The following SH3PXD2A variants were observed in gnomAD, a reference collection of about 807,000 sequenced individuals.
SH3PXD2A encodes the protein SH3 and PX domain-containing protein 2A.
SH3PXD2A carries 32 observed loss-of-function variants against 115.2 expected under a neutral mutation model. That is an observed-to-expected ratio of 0.28 (90% CI 0.21 to 0.37). The LOEUF (loss-of-function observed/expected upper bound fraction) is 0.37. Ranked by LOEUF, SH3PXD2A falls within the 10% of genes least tolerant of loss-of-function variation. The pLI, the probability that SH3PXD2A is intolerant of heterozygous loss-of-function variation, is 1.00. For missense variants in SH3PXD2A, 1,328 were observed against 1,498.7 expected, an observed-to-expected ratio of 0.89 and a Z score of 1.88; for synonymous variants, 610 against 629.1, an observed-to-expected ratio of 0.97 and a Z score of 0.45.
intron 1 of SH3PXD2A, among the ~76,000 whole-genome samples, chr10:103,822,549 G>T (rs763743223): frequency 1.4e-5 from 2 of 145,808 alleles, no homozygotes; most frequent in Non-Finnish European, 2.9e-5. Flanking sequence ...GGGCATGGTG[G>T]GGGGGGAGCA....
At chr10:103,607,710 G>A (rs1372774290) in intron 13 of SH3PXD2A, among the ~76,000 whole-genome samples, 2 of 152,192 alleles carry the variant, frequency 1.3e-5, no homozygotes, top group African/African-American at 4.8e-5. Context: ...GGAATAGAAA[G>A]GGGGGAAAGG....
At chr10:103,639,164 T>C (rs1305077685) in intron 8 of SH3PXD2A, among the ~76,000 whole-genome samples, 2 of 152,032 alleles carry the variant, frequency 1.3e-5, no homozygotes, top group African/African-American at 4.8e-5. Flanking sequence ...CGGTGGGTGA[T>C]ACAATGCTTG....
At chr10:103,839,263 C>T (rs2039574193) in intron 1 of SH3PXD2A, among the ~76,000 whole-genome samples, 2 of 152,084 alleles carry the variant, frequency 1.3e-5, no homozygotes, top group African/African-American at 2.4e-5. Context: ...ATCACAGGTT[C>T]GACACGAGGC....
intron 6 of SH3PXD2A, among the ~76,000 whole-genome samples, chr10:103,674,502 T>C (rs1192949306): frequency 1.3e-5 from 2 of 152,150 alleles, no homozygotes; most frequent in African/African-American, 4.8e-5. Flanking sequence ...GGATGGCCAA[T>C]TCGTAATTCT....
chr10:103,811,379 GT>G lies in SH3PXD2A; in HGVS notation c.73-10018del, dbSNP rs1394438038. ...ACTAATGGCCATGCCAATGTATTGAGTACTGACTATGTTCCAGGCATTGCTA... is the reference window on the plus strand; with the variant it reads ...ACTAATGGCCATGCCAATGTATTGAGACTGACTATGTTCCAGGCATTGCTA... On this transcript the variant is annotated intron_variant, in intron 1 of 14. Coordinates refer to ENST00000369774, the MANE Select transcript of SH3PXD2A (RefSeq NM_001394015.1). 5.9e-5 allele frequency among the ~76,000 whole-genome samples: 9 copies of G among 152,210 alleles called. No homozygotes were observed. The East Asian group carries it at 1.7e-3, about 29-fold the overall frequency.
intron 8 of SH3PXD2A, among the ~76,000 whole-genome samples, chr10:103,630,960 T>C (rs73333308): frequency 0.022 from 3,375 of 152,256 alleles, 130 homozygotes; most frequent in African/African-American, 0.076. Context: ...CCCCAGTGGA[T>C]GCCTGAAACT....
At position 103,603,228 on chromosome 10, in the gene SH3PXD2A, TGGGGGA is replaced by T; in HGVS notation, c.1984_1989del (p.Ser662_Pro663del). ...TTGAGCTTTAGGAGTGATGATGACT[TGGGGGA>T]GCCTGATTTGGGGGAGTTTTTCCTG... On this transcript the variant is annotated inframe_deletion, in exon 15 of 15. Coordinates refer to ENST00000369774, the MANE Select transcript of SH3PXD2A (RefSeq NM_001394015.1). 6.2e-7 allele frequency: 1 copy of T among 1,613,812 alleles called. No homozygotes were observed. Among genetic ancestry groups the T allele is most frequent in the African/African-American group, 1.3e-5 (1 of 75,034 alleles).
At chr10:103,847,751 CAACATGGCAAA>C (rs1230945419) in intron 1 of SH3PXD2A, among the ~76,000 whole-genome samples, 2 of 152,144 alleles carry the variant, frequency 1.3e-5, no homozygotes, top group Non-Finnish European at 2.9e-5. Context: ...CCAGCCTGGC[CAACATGGCAAA>C]ACCCCACCTC....
At chr10:103,761,418 A>G (rs1429995663) in intron 3 of SH3PXD2A, among the ~76,000 whole-genome samples, 1 of 152,246 alleles carries the variant, frequency 6.6e-6, no homozygotes, top group Non-Finnish European at 1.5e-5. Flanking sequence ...GTTTAAAAAA[A>G]TGCTGTTAGG....
At chr10:103,733,881 T>G (rs2038351470) in intron 4 of SH3PXD2A, among the ~76,000 whole-genome samples, 1 of 152,100 alleles carries the variant, frequency 6.6e-6, no homozygotes, top group Non-Finnish European at 1.5e-5. Flanking sequence ...AGCAGTCCTC[T>G]CACCTCAACT....
chr10:103,837,998 T>A (rs1230385383), intron 1 of SH3PXD2A, among the ~76,000 whole-genome samples: 1 of 151,970 alleles, frequency 6.6e-6, no homozygotes, highest in East Asian at 1.9e-4. Flanking sequence ...CCTCATGGTG[T>A]CTCTGATTCT....
At chr10:103,633,174 T>C (rs993453108) in intron 8 of SH3PXD2A, among the ~76,000 whole-genome samples, 2 of 152,136 alleles carry the variant, frequency 1.3e-5, no homozygotes, top group African/African-American at 4.8e-5. Context: ...TCCCAGCACT[T>C]TGGGATCCAG....
At chr10:103,835,843 T>G (rs374295091) in intron 1 of SH3PXD2A, among the ~76,000 whole-genome samples, 6 of 152,312 alleles carry the variant, frequency 3.9e-5, no homozygotes, top group African/African-American at 1.4e-4. Flanking sequence ...CTCCTTGGCC[T>G]TCACTGAAGC....
chr10:103,616,867 C>T lies in SH3PXD2A; in HGVS notation c.920+330G>A, dbSNP rs1017862214. Among the ~76,000 whole-genome samples, 28 of 152,256 alleles carry T rather than the reference C, an allele frequency of 1.8e-4. 2 individuals are homozygous for T. Among genetic ancestry groups the T allele is most frequent in the Admixed American group, 1.7e-3 (26 of 15,292 alleles). On this transcript the variant is annotated intron_variant, in intron 11 of 14. Coordinates refer to ENST00000369774, the MANE Select transcript of SH3PXD2A (RefSeq NM_001394015.1). ...GTGGAGCACACCAGGCAGCCAAGGC[C>T]GGACACACAAAACCAAATTCAGATG...
chr10:103,797,421 C>T (rs1359008382), intron 2 of SH3PXD2A, among the ~76,000 whole-genome samples: 1 of 152,068 alleles, frequency 6.6e-6, no homozygotes, highest in Non-Finnish European at 1.5e-5. Flanking sequence ...CCATCTCTCC[C>T]AACCCTCTGA....
intron 6 of SH3PXD2A, 96 bp from the exon 7 acceptor site, chr10:103,668,748 CGCCGCGCTCG>C: frequency 8.7e-7 from 1 of 1,151,226 alleles, no homozygotes; most frequent in Non-Finnish European, 1.3e-6. Flanking sequence ...TGGCTGCAGG[CGCCGCGCTCG>C]GCCAGCCGCG....
chr10:103,727,444 C>T (rs1009801011), intron 4 of SH3PXD2A, among the ~76,000 whole-genome samples: 3 of 151,998 alleles, frequency 2.0e-5, no homozygotes, highest in Non-Finnish European at 2.9e-5. Context: ...CCAATGGGGT[C>T]GGGATGGGCA....
intron 4 of SH3PXD2A, among the ~76,000 whole-genome samples, chr10:103,733,630 T>C (rs2038348430): frequency 6.6e-6 from 1 of 152,232 alleles, no homozygotes; most frequent in Admixed American, 6.5e-5. Context: ...AGGCAGAACA[T>C]GTGACCCAAG....
intron 9 of SH3PXD2A, 61 bp from the exon 10 acceptor site, chr10:103,622,614 T>C (rs1309066884): frequency 7.1e-6 from 7 of 985,852 alleles, no homozygotes; most frequent in East Asian, 2.8e-5. Context: ...AGAATGGAGA[T>C]GAGGATGAGA....
Sources: gnomAD v4.1 joint callset for allele counts (sites outside exome capture counted in the v4.1 genomes callset) on GRCh38, gnomAD v4.1.1 for gene constraint, MANE v1.5 for transcripts, NCBI Gene and HGNC (gene_info 2026-07-23, HGNC 2026-07-21) for gene names.